ZFPM2: variants seen among roughly 807,000 people sequenced by gnomAD.
ZFPM2 encodes zinc finger protein, FOG family member 2, also known as zinc finger protein ZFPM2.
Under a neutral mutation model 98.6 loss-of-function variants are expected in ZFPM2, and 20 were observed. The ratio of observed to expected loss-of-function variants is 0.20; its 90% CI spans 0.14 to 0.29. ZFPM2 has a LOEUF of 0.29. ZFPM2 is among the 10% of genes least tolerant of loss of function. The pLI, the probability that ZFPM2 is intolerant of heterozygous loss-of-function variation, is 1.00. For missense variants in ZFPM2, 1,310 were observed against 1,388.6 expected, an observed-to-expected ratio of 0.94 and a Z score of 0.90; for synonymous variants, 518 against 502.7, an observed-to-expected ratio of 1.03 and a Z score of -0.41.
At chr8:105,743,592 C>T (rs1812275534) in intron 5 of ZFPM2, among the ~76,000 whole-genome samples, 2 of 151,850 alleles carry the variant, frequency 1.3e-5, no homozygotes, top group African/African-American at 4.8e-5. Context: ...CATGAATCAC[C>T]CAGATCTCTA....
chr8:105,661,973 G>T (rs1259263525), intron 5 of ZFPM2, among the ~76,000 whole-genome samples: 1 of 150,878 alleles, frequency 6.6e-6, no homozygotes, highest in Non-Finnish European at 1.5e-5. Flanking sequence ...CTTTCTCTTT[G>T]TAAGAAAAAA....
At chr8:105,769,518 A>G (rs1812936367) in intron 5 of ZFPM2, among the ~76,000 whole-genome samples, 1 of 151,784 alleles carries the variant, frequency 6.6e-6, no homozygotes, top group Admixed American at 6.6e-5. Context: ...CTGACTTTTT[A>G]TTTTGGAAAG....
chr8:105,700,562 TTTTGTTTG>T (rs377429648), intron 5 of ZFPM2, among the ~76,000 whole-genome samples: 197 of 151,528 alleles, frequency 1.3e-3, no homozygotes, highest in African/African-American at 4.1e-3. Context: ...CCTAGGAGTT[TTTTGTTTG>T]TTTGTTTGTT....
At chr8:105,786,041 CAAAAAAAAAAAAA>C (rs60740995) in intron 5 of ZFPM2, among the ~76,000 whole-genome samples, 11 of 39,830 alleles carry the variant, frequency 2.8e-4, no homozygotes, top group African/African-American at 5.1e-4. Context: ...GACTCCGTCT[CAAAAAAAAAAAAA>C]AAAAAAAAAA....
intron 3 of ZFPM2, among the ~76,000 whole-genome samples, chr8:105,524,911 A>G (rs1814142336): frequency 6.6e-6 from 1 of 152,124 alleles, no homozygotes; most frequent in African/African-American, 2.4e-5. Flanking sequence ...ATAATGGTCG[A>G]GCTGTGGGTT....
At chr8:105,635,080 G>T (rs1489007608) in intron 5 of ZFPM2, among the ~76,000 whole-genome samples, 1 of 152,162 alleles carries the variant, frequency 6.6e-6, no homozygotes, top group African/African-American at 2.4e-5. Context: ...CCACATTCAA[G>T]TCTTGGTCCT....
chr8:105,450,556 A>G (rs1432005054), intron 3 of ZFPM2, among the ~76,000 whole-genome samples: 2 of 152,166 alleles, frequency 1.3e-5, no homozygotes, highest in Non-Finnish European at 2.9e-5. Context: ...TAATGCAGTT[A>G]TCATTAATTT....
At chr8:105,761,338 A>G (rs1342060617) in intron 5 of ZFPM2, among the ~76,000 whole-genome samples, 1 of 152,020 alleles carries the variant, frequency 6.6e-6, no homozygotes, top group African/African-American at 2.4e-5. Flanking sequence ...TGTGTGTTCT[A>G]TGAATACAGG....
chr8:105,383,268 G>T lies in ZFPM2; in HGVS notation c.41-35876G>T, dbSNP rs1810922538. ...GGATATTTCACTAAGTACTGTTGGG[G>T]ATAGAGTAAGCACCTATCCATGAGG... On this transcript the variant is annotated intron_variant, in intron 1 of 7. Coordinates refer to ENST00000407775, the MANE Select transcript of ZFPM2 (RefSeq NM_012082.4). Among the ~76,000 whole-genome samples the T allele has an allele frequency of 2.6e-5, 4 of 152,166 alleles. No homozygotes were observed. In the South Asian group the frequency reaches 8.3e-4, roughly 32 times the overall value.
intron 7 of ZFPM2, among the ~76,000 whole-genome samples, 156 bp from the exon 8 acceptor site, chr8:105,800,891 A>T (rs561516403): frequency 6.6e-6 from 1 of 152,342 alleles, no homozygotes; most frequent in Non-Finnish European, 1.5e-5. Flanking sequence ...CATACACAGT[A>T]AGAGATGTCA....
At chr8:105,678,275 T>A (rs1210588789) in intron 5 of ZFPM2, among the ~76,000 whole-genome samples, 2 of 152,208 alleles carry the variant, frequency 1.3e-5, no homozygotes, top group Admixed American at 1.3e-4. Flanking sequence ...GACCATGGAA[T>A]CTATCTAATC....
At chr8:105,546,760 G>A (rs1378595995) in intron 3 of ZFPM2, among the ~76,000 whole-genome samples, 1 of 152,110 alleles carries the variant, frequency 6.6e-6, no homozygotes, top group Non-Finnish European at 1.5e-5. Context: ...AGGATCCAGA[G>A]TAAATATAAG....
At chr8:105,701,071 A>T (rs1811130730) in intron 5 of ZFPM2, among the ~76,000 whole-genome samples, 1 of 152,230 alleles carries the variant, frequency 6.6e-6, no homozygotes, top group Non-Finnish European at 1.5e-5. Flanking sequence ...TATATCAATA[A>T]CATTTTGGAT....
chr8:105,699,191 C>G (rs1811086866), intron 5 of ZFPM2, among the ~76,000 whole-genome samples: 1 of 152,078 alleles, frequency 6.6e-6, no homozygotes, highest in African/African-American at 2.4e-5. Flanking sequence ...TTGACATATT[C>G]ATTTTCCTTT....
chr8:105,773,219 T>A (rs1813022468), intron 5 of ZFPM2, among the ~76,000 whole-genome samples: 1 of 152,158 alleles, frequency 6.6e-6, no homozygotes, highest in Non-Finnish European at 1.5e-5. Context: ...TACCAACATA[T>A]AAAGGCAGCT....
intron 4 of ZFPM2, among the ~76,000 whole-genome samples, chr8:105,584,057 T>A (rs1815660199): frequency 6.6e-6 from 1 of 152,204 alleles, no homozygotes; most frequent in Admixed American, 6.5e-5. Context: ...TTGGTTTTTT[T>A]TGGTATTACA....
intron 3 of ZFPM2, among the ~76,000 whole-genome samples, chr8:105,546,276 A>G (rs1329522859): frequency 6.6e-6 from 1 of 152,092 alleles, no homozygotes; most frequent in Non-Finnish European, 1.5e-5. Context: ...TTTATTCCCA[A>G]TTACAAAACA....
intron 4 of ZFPM2, among the ~76,000 whole-genome samples, chr8:105,610,880 T>C (rs1385378646): frequency 6.6e-6 from 1 of 152,196 alleles, no homozygotes; most frequent in East Asian, 1.9e-4. Context: ...CTGGAGCAGC[T>C]GCTGCCAATT....
intron 1 of ZFPM2, among the ~76,000 whole-genome samples, chr8:105,325,976 A>G (rs1812106157): frequency 6.6e-6 from 1 of 151,698 alleles, no homozygotes; most frequent in Non-Finnish European, 1.5e-5. Flanking sequence ...CTAGTCTCTT[A>G]TTAATATCAA....
Sources: gnomAD v4.1 joint callset for allele counts (sites outside exome capture counted in the v4.1 genomes callset) on GRCh38, gnomAD v4.1.1 for gene constraint, MANE v1.5 for transcripts, NCBI Gene and HGNC (gene_info 2026-07-23, HGNC 2026-07-21) for gene names.